B4GALT5: variants seen among roughly 807,000 people sequenced by gnomAD.
B4GALT5 encodes beta-1,4-galactosyltransferase 5, also known as UDP-Gal:beta-GlcNAc beta-1,4-galactosyltransferase 5.
In B4GALT5, 11 loss-of-function variants were observed where a neutral mutation model predicts 45.0. The ratio of observed to expected loss-of-function variants is 0.24; its 90% CI spans 0.15 to 0.40. The LOEUF is 0.40. Ranked by LOEUF, B4GALT5 falls within the 10% of genes least tolerant of loss-of-function variation. B4GALT5 has a pLI of 1.00. For synonymous variants in B4GALT5, 185 were observed against 182.9 expected, an observed-to-expected ratio of 1.01 and a Z score of -0.09; for missense variants, 337 against 500.2, an observed-to-expected ratio of 0.67 and a Z score of 3.11.
Position 49,713,576 on chromosome 20 carries a change from C to T in B4GALT5, c.115G>A (p.Val39Met). ...CCGCGGTCCCAAGCCCCCTTCCTAC[C>T]TATGCCGGGCGCCACATAGACGAAG... is the stretch of plus-strand genomic sequence containing the variant. ...LYFVYVAPGI[V>M]NTYLFMMQAQ... Residue 39 changes from valine (V) to methionine (M), a missense_variant and splice_region_variant, in exon 1 of 9, where the codon GTG (valine) becomes ATG (methionine). Val to Met is a conservative substitution (Grantham distance 21). This residue lies in a region of B4GALT5 where 174 missense variants were observed against 207.4 expected (regional missense o/e 0.84). Transcript: ENST00000371711. The T allele has an allele frequency of 6.3e-7, 1 of 1,575,904 alleles. No homozygotes were observed. Among genetic ancestry groups the T allele is most frequent in the South Asian group, 1.2e-5 (1 of 86,534 alleles).
At position 49,673,157 on chromosome 20, in the gene B4GALT5, G is replaced by A. The variant is rs1001625927; in HGVS notation, c.116-16455C>T. Among the ~76,000 whole-genome samples the A allele has an allele frequency of 4.6e-5, 7 of 152,088 alleles. No individual in the cohort carries two copies. In the East Asian group the frequency reaches 9.6e-4, roughly 21 times the overall value. Reference sequence around the variant, plus strand: ...AGCACTTTGGGAAGCCGAGGCAGGCGGATCACAAGGTCAGGAGTTCGAGAC... The same window carrying A: ...AGCACTTTGGGAAGCCGAGGCAGGCAGATCACAAGGTCAGGAGTTCGAGAC... On this transcript the variant is annotated intron_variant, in intron 1 of 8. Coordinates refer to ENST00000371711, the MANE Select transcript of B4GALT5 (RefSeq NM_004776.4).
intron 1 of B4GALT5, among the ~76,000 whole-genome samples, chr20:49,678,643 G>C (rs1170038771): frequency 6.6e-6 from 1 of 152,214 alleles, no homozygotes; most frequent in Admixed American, 6.5e-5. Flanking sequence ...GAGTTGGACA[G>C]ACATGTAGCA....
chr20:49,664,819 T>C (rs760070204), intron 1 of B4GALT5, among the ~76,000 whole-genome samples: 29 of 152,122 alleles, frequency 1.9e-4, no homozygotes, highest in Non-Finnish European at 3.4e-4. Context: ...CTGAAAAAAA[T>C]GTGTGCATAT....
chr20:49,641,868 C>T (rs778126090), intron 5 of B4GALT5, among the ~76,000 whole-genome samples: 11 of 151,798 alleles, frequency 7.2e-5, no homozygotes, highest in Non-Finnish European at 2.9e-5. Flanking sequence ...TAAAGTAGGC[C>T]CGGCAAGAGA....
chr20:49,653,470 C>T (rs2085630427), intron 2 of B4GALT5, among the ~76,000 whole-genome samples: 1 of 152,226 alleles, frequency 6.6e-6, no homozygotes, highest in South Asian at 2.1e-4. Context: ...ATGTGCGAGG[C>T]AGTGTATAAG....
At chr20:49,667,219 T>A (rs574212503) in intron 1 of B4GALT5, among the ~76,000 whole-genome samples, 9 of 149,690 alleles carry the variant, frequency 6.0e-5, no homozygotes, top group East Asian at 2.0e-4. Flanking sequence ...TTTACTTGGA[T>A]CTTTTTGAAG....
chr20:49,704,980 T>C (rs2085878256), intron 1 of B4GALT5, among the ~76,000 whole-genome samples: 1 of 151,970 alleles, frequency 6.6e-6, no homozygotes, highest in Non-Finnish European at 1.5e-5. Flanking sequence ...AATAATTGCT[T>C]ACTCAAACTA....
chr20:49,711,540 A>G (rs2085911952), intron 1 of B4GALT5, among the ~76,000 whole-genome samples: 1 of 152,238 alleles, frequency 6.6e-6, no homozygotes, highest in South Asian at 2.1e-4. Flanking sequence ...GACTGCCTCT[A>G]GGTCCAAATC....
intron 1 of B4GALT5, among the ~76,000 whole-genome samples, chr20:49,679,110 G>C (rs1379039810): frequency 1.3e-5 from 2 of 152,156 alleles, no homozygotes; most frequent in African/African-American, 4.8e-5. Context: ...CATTATAGCT[G>C]ACTGCAGAAC....
At chr20:49,640,399 A>G in intron 6 of B4GALT5, 79 bp downstream of exon 6, 1 of 1,305,428 alleles carries the variant, frequency 7.7e-7, no homozygotes, top group Non-Finnish European at 1.0e-6. Flanking sequence ...TCTAGGTTGC[A>G]GCTAATTAGA....
At chr20:49,646,260 T>A (rs924140108) in intron 3 of B4GALT5, among the ~76,000 whole-genome samples, 2 of 152,160 alleles carry the variant, frequency 1.3e-5, no homozygotes, top group South Asian at 4.1e-4. Flanking sequence ...GCAGCCAAAG[T>A]GTTCAGTGTT....
At chr20:49,710,166 C>T (rs17195011) in intron 1 of B4GALT5, among the ~76,000 whole-genome samples, 17,973 of 152,106 alleles carry the variant, frequency 0.12, 1,291 homozygotes, top group East Asian at 0.22. Flanking sequence ...ATATCTCTAG[C>T]CCTTGAGCAC....
chr20:49,698,529 C>G (rs1464519357), intron 1 of B4GALT5, among the ~76,000 whole-genome samples: 1 of 152,134 alleles, frequency 6.6e-6, no homozygotes, highest in South Asian at 2.1e-4. Flanking sequence ...ATGAAAAAGT[C>G]AGGTATGCCA....
intron 1 of B4GALT5, among the ~76,000 whole-genome samples, chr20:49,668,029 T>C (rs1568724151): frequency 6.6e-6 from 1 of 152,104 alleles, no homozygotes. Context: ...ACAATTTTCA[T>C]ACAAAAAGTG....
chr20:49,650,738 G>A (rs1035144628), intron 2 of B4GALT5, among the ~76,000 whole-genome samples: 9 of 152,170 alleles, frequency 5.9e-5, no homozygotes, highest in South Asian at 2.1e-4. Context: ...GTAAAACTAT[G>A]TGCAGTTATC....
At chr20:49,698,566 C>A (rs2085848902) in intron 1 of B4GALT5, among the ~76,000 whole-genome samples, 1 of 152,024 alleles carries the variant, frequency 6.6e-6, no homozygotes, top group African/African-American at 2.4e-5. Flanking sequence ...GAAAATTAAT[C>A]CCACACCAAA....
In B4GALT5 at chr20:49,635,218, T is replaced by A. The variant is rs3746557; in HGVS notation, c.*1094A>T. Reference sequence around the variant, plus strand: ...AAAGTAAGAGGGGGAGGGATTCCCATACACACCCCCGCCCCCCGCCCCCCG... The same window carrying A: ...AAAGTAAGAGGGGGAGGGATTCCCAAACACACCCCCGCCCCCCGCCCCCCG... On this transcript the variant is annotated 3_prime_UTR_variant, in exon 9 of 9. Transcript: ENST00000371711. 0.11 allele frequency: 16,089 copies of A among 151,274 alleles called. 958 individuals carry two copies. The highest frequency in any genetic ancestry group is 0.16 in the East Asian group (797 of 5,084). 9.4% of individuals were successfully genotyped at this position (151,274 alleles called of 1,614,324 possible). A position where few individuals can be genotyped will look rare whatever the true frequency, so the allele number is the denominator to read the frequency against.
chr20:49,643,081 G>T (rs1226619811), intron 4 of B4GALT5, among the ~76,000 whole-genome samples: 1 of 152,162 alleles, frequency 6.6e-6, no homozygotes, highest in East Asian at 1.9e-4. Context: ...CTTCAGCTGG[G>T]GTCACAGCTT....
intron 7 of B4GALT5, among the ~76,000 whole-genome samples, chr20:49,639,419 G>C (rs1197060484): frequency 4.6e-5 from 7 of 152,052 alleles, no homozygotes; most frequent in African/African-American, 1.7e-4. Flanking sequence ...ACCCAAGCTA[G>C]AGTGCAGTGG....
Sources: gnomAD v4.1 joint callset for allele counts (sites outside exome capture counted in the v4.1 genomes callset) on GRCh38, gnomAD v4.1.1 for gene constraint, gnomAD v4.1.1 regional missense constraint, MANE v1.5 for transcripts, NCBI Gene and HGNC (gene_info 2026-07-23, HGNC 2026-07-21) for gene names.